The following LITAF variants were observed in gnomAD, a reference collection of about 807,000 sequenced individuals.
LITAF encodes the protein lipopolysaccharide induced TNF factor.
A neutral mutation model predicts 14.5 loss-of-function variants in LITAF; 9 were observed. That is an observed-to-expected ratio of 0.62 (90% CI 0.37 to 1.08). The LOEUF (loss-of-function observed/expected upper bound fraction) is 1.08. LITAF is among the 50% of genes least tolerant of loss of function. The pLI is 0.01. For missense variants in LITAF, 206 were observed against 213.4 expected (o/e 0.97, Z 0.22); for synonymous variants, 98 against 88.2 (o/e 1.11, Z -0.62).
At position 11,578,598 on chromosome 16, in the gene LITAF, CTT is replaced by C. The variant is rs538928399; in HGVS notation, c.-6+8286_-6+8287del. 3.2e-3 allele frequency among the ~76,000 whole-genome samples: 492 copies of C among 152,312 alleles called. 2 individuals carry two copies. Among genetic ancestry groups the C allele is most frequent in the African/African-American group, 0.011 (467 of 41,558 alleles). ...CAAATACCTCCTTTTCACTCTCTCTCTTGATATTAATTAACATCAGGAATACT... is the reference window on the plus strand; with the variant it reads ...CAAATACCTCCTTTTCACTCTCTCTCGATATTAATTAACATCAGGAATACT... On this transcript the variant is annotated intron_variant, in intron 1 of 3. Transcript: ENST00000622633.
At chr16:11,566,040 C>T (rs1207550131) in intron 1 of LITAF, among the ~76,000 whole-genome samples, 1 of 152,050 alleles carries the variant, frequency 6.6e-6, no homozygotes, top group Non-Finnish European at 1.5e-5. Context: ...CCTCATAAGG[C>T]TCTTGAGAGG....
At chr16:11,563,307 C>G (rs895783616) in intron 1 of LITAF, among the ~76,000 whole-genome samples, 2 of 152,092 alleles carry the variant, frequency 1.3e-5, no homozygotes, top group African/African-American at 4.8e-5. Context: ...TGCCAACACG[C>G]CCAGCTAATT....
intron 3 of LITAF, among the ~76,000 whole-genome samples, chr16:11,621,353 T>C (rs547812873): frequency 1.7e-4 from 26 of 152,144 alleles, no homozygotes; most frequent in African/African-American, 5.5e-4. Flanking sequence ...CATGAGCCAC[T>C]GCACCCAGCC....
At chr16:11,599,279 G>A (rs2064913299), upstream of LITAF, among the ~76,000 whole-genome samples, 1 of 151,702 alleles carries the variant, frequency 6.6e-6, no homozygotes, top group South Asian at 2.1e-4. Flanking sequence ...CACCATGCCC[G>A]GCTAACTTTT....
At chr16:11,554,159 G>A (rs527395412) in intron 2 of LITAF, among the ~76,000 whole-genome samples, 1 of 152,176 alleles carries the variant, frequency 6.6e-6, no homozygotes, top group Non-Finnish European at 1.5e-5. Flanking sequence ...TTGAGTCTGA[G>A]AGATTGAGGA....
chr16:11,580,381 C>T (rs2064713574), intron 1 of LITAF, among the ~76,000 whole-genome samples: 1 of 152,110 alleles, frequency 6.6e-6, no homozygotes, highest in African/African-American at 2.4e-5. Flanking sequence ...CCTCAGCCTC[C>T]TGAGTAGCTG....
chr16:11,575,494 G>A (rs1256408105), intron 1 of LITAF: 1 of 152,328 alleles, frequency 6.6e-6, no homozygotes, highest in East Asian at 1.9e-4. Context: ...GGGCACCAGC[G>A]CCTGGGTTTA....
chr16:11,572,168 AG>A (rs2064552600), intron 1 of LITAF, among the ~76,000 whole-genome samples: 2 of 152,088 alleles, frequency 1.3e-5, no homozygotes, highest in Non-Finnish European at 2.9e-5. Flanking sequence ...CTGGGTCCTC[AG>A]CCCCTCCAGT....
upstream of LITAF, among the ~76,000 whole-genome samples, chr16:11,640,312 G>A (rs1306577862): frequency 1.3e-5 from 2 of 152,330 alleles, no homozygotes; most frequent in Middle Eastern, 3.4e-3. Flanking sequence ...TGCAGCCTGG[G>A]AAACTGAAGC....
Position 11,592,579 on chromosome 16 carries a change from GA to G in LITAF, c.-6+5808del, listed in dbSNP as rs71136669. Among the ~76,000 whole-genome samples, 81 of 137,382 alleles carry G rather than the reference GA, an allele frequency of 5.9e-4. No homozygotes were observed. In the Middle Eastern group the frequency reaches 0.011, roughly 19 times the overall value. 90.1% of individuals were successfully genotyped at this position (137,382 alleles called of 152,430 possible). A position where few individuals can be genotyped will look rare whatever the true frequency, so the allele number is the denominator to read the frequency against. On this transcript the variant is annotated intron_variant, in intron 1 of 3. Transcript: ENST00000571627. The stretch of plus-strand genomic sequence containing the variant: ...GACAGAGCAAGACCCTGTCTCAAAA[GA>G]AAAAAAAAAAAGGGCAAAGGACTTG...
At chr16:11,592,892 C>T (rs1057484082) in intron 1 of LITAF, among the ~76,000 whole-genome samples, 5 of 151,934 alleles carry the variant, frequency 3.3e-5, no homozygotes, top group African/African-American at 7.3e-5. Context: ...AAAAATTGGC[C>T]GGGTGTGGTG....
chr16:11,609,952 C>T lies in LITAF; in HGVS notation c.85+23581G>A, dbSNP rs541309852. On this transcript the variant is annotated intron_variant, in intron 3 of 3. Transcript: ENST00000574848. The stretch of plus-strand genomic sequence containing the variant: ...TTCTCTCTCCAGGCCCAGAGGTCCC[C>T]GCCTGTCATTTACAGTTTCAAGGCA... Among the ~76,000 whole-genome samples, 474 of 150,090 alleles carry T rather than the reference C, an allele frequency of 3.2e-3. 5 individuals are homozygous for T. Among genetic ancestry groups the T allele is most frequent in the Admixed American group, 3.6e-3 (55 of 15,220 alleles).
chr16:11,577,121 T>A (rs933568590), intron 1 of LITAF, among the ~76,000 whole-genome samples: 8 of 152,116 alleles, frequency 5.3e-5, no homozygotes, highest in African/African-American at 1.9e-4. Flanking sequence ...TCTATTAATA[T>A]TTCCCTAACT....
chr16:11,597,894 G>T (rs916222500), intron 1 of LITAF, among the ~76,000 whole-genome samples: 2 of 152,086 alleles, frequency 1.3e-5, no homozygotes, highest in Non-Finnish European at 2.9e-5. Flanking sequence ...ACAAAACCCA[G>T]CATGCTTTTT....
Position 11,605,314 on chromosome 16 carries a change from C to T in LITAF, c.85+28219G>A, listed in dbSNP as rs1261794983. Reference sequence around the variant, plus strand: ...CCTAGTATTCAATGGGGGGATGCCACGCAGGTCTGGCTATGTCTTCAGAAA... The same window carrying T: ...CCTAGTATTCAATGGGGGGATGCCATGCAGGTCTGGCTATGTCTTCAGAAA... On this transcript the variant is annotated intron_variant, in intron 3 of 3. Transcript: ENST00000574848. The surrounding 1 kb of genome is among the most constrained non-coding windows in gnomAD (Gnocchi z 4.7). 2.6e-5 allele frequency among the ~76,000 whole-genome samples: 4 copies of T among 152,156 alleles called. No individual in the cohort carries two copies. Among genetic ancestry groups the T allele is most frequent in the South Asian group, 2.1e-4 (1 of 4,832 alleles).
intron 3 of LITAF, among the ~76,000 whole-genome samples, chr16:11,630,566 C>A (rs147108024): frequency 1.3e-4 from 18 of 141,230 alleles, no homozygotes; most frequent in Non-Finnish European, 2.1e-4. Flanking sequence ...CTGCCCCTGG[C>A]CAACTTTTTT....
intron 3 of LITAF, among the ~76,000 whole-genome samples, chr16:11,626,421 G>GCAACCTCTGCCTCTCAGCTCACTA (rs2065084217): frequency 6.6e-6 from 1 of 152,160 alleles, no homozygotes; most frequent in Non-Finnish European, 1.5e-5. Flanking sequence ...TCAGCTCACT[G>GCAACCTCTGCCTCTCAGCTCACTA]CAACCTCTGC....
At chr16:11,551,697 T>C (rs1354172665) in intron 3 of LITAF, 7 of 651,148 alleles carry the variant, frequency 1.1e-5, no homozygotes, top group Non-Finnish European at 1.9e-5. Flanking sequence ...CTAGGTATGG[T>C]GGCACACACC....
chr16:11,617,606 T>C (rs975185870), intron 3 of LITAF, among the ~76,000 whole-genome samples: 1 of 151,648 alleles, frequency 6.6e-6, no homozygotes, highest in African/African-American at 2.4e-5. Context: ...TTTGTATTTT[T>C]AGTAGAGACG....
Sources: gnomAD v4.1 joint callset for allele counts (sites outside exome capture counted in the v4.1 genomes callset) on GRCh38, gnomAD v4.1.1 for gene constraint, Gnocchi (gnomAD v3.1) non-coding constraint, MANE v1.5 for transcripts, NCBI Gene and HGNC (gene_info 2026-07-23, HGNC 2026-07-21) for gene names.